Variants in SERINC5 observed in about 807,000 individuals in gnomAD.
SERINC5 encodes the protein chromosome 5 open reading frame 12.
In SERINC5, 41 loss-of-function variants were observed where a neutral mutation model predicts 63.1. The ratio of observed to expected loss-of-function variants is 0.65; its 90% CI spans 0.51 to 0.84. The LOEUF is 0.84. Ranked by LOEUF, SERINC5 falls within the 40% of genes least tolerant of loss-of-function variation. The pLI is 0.00. For missense variants in SERINC5, 523 were observed against 573.0 expected (o/e 0.91, Z 0.89); for synonymous variants, 222 against 215.2 (o/e 1.03, Z -0.28).
At chr5:80,148,190 T>C (rs1477296309) in intron 9 of SERINC5, among the ~76,000 whole-genome samples, 1 of 79,278 alleles carries the variant, frequency 1.3e-5, no homozygotes, top group Non-Finnish European at 2.3e-5. Context: ...TTTTTTATTC[T>C]TTTTTTTTTT....
intron 2 of SERINC5, chr5:80,198,756 T>G (rs1386818817): frequency 5.2e-6 from 5 of 960,778 alleles, no homozygotes; most frequent in Non-Finnish European, 6.2e-6. Flanking sequence ...AAGCTGACTT[T>G]GTGGCCAGAT....
intron 1 of SERINC5, among the ~76,000 whole-genome samples, chr5:80,232,549 G>T (rs1751496683): frequency 6.6e-6 from 1 of 152,136 alleles, no homozygotes; most frequent in Admixed American, 6.6e-5. Flanking sequence ...ACTTTGGGAG[G>T]CCAAGGCGGG....
rs1745332292 is a variant in SERINC5, at chr5:80,138,831, AAAC to A, written c.*4829_*4831del. ...AACATCTGAAGGCAACATCTCTGCAAAACAACTAACTTGAGTACTTTAATTATA... is the reference window on the plus strand; with the variant it reads ...AACATCTGAAGGCAACATCTCTGCAAAACTAACTTGAGTACTTTAATTATA... On this transcript the variant is annotated 3_prime_UTR_variant, in exon 12 of 12. Coordinates refer to ENST00000507668, the MANE Select transcript of SERINC5 (RefSeq NM_001174072.3). 1 of 984,310 alleles carries A rather than the reference AAAC, an allele frequency of 1.0e-6. No individual in the cohort carries two copies. 61.0% of individuals were successfully genotyped at this position (984,310 alleles called of 1,614,324 possible). A position where few individuals can be genotyped will look rare whatever the true frequency, so the allele number is the denominator to read the frequency against.
chr5:80,220,759 G>A (rs1383108366), intron 1 of SERINC5, among the ~76,000 whole-genome samples: 1 of 152,080 alleles, frequency 6.6e-6, no homozygotes, highest in African/African-American at 2.4e-5. Flanking sequence ...GGGTGAAGTG[G>A]GGAGGGGGGC....
intron 5 of SERINC5, among the ~76,000 whole-genome samples, chr5:80,169,833 A>G (rs988143683): frequency 6.6e-6 from 1 of 152,192 alleles, no homozygotes; most frequent in African/African-American, 2.4e-5. Context: ...TAAAATGAAT[A>G]ATGTCAACCC....
chr5:80,207,576 A>ATTC (rs1176287136), intron 1 of SERINC5, among the ~76,000 whole-genome samples: 1 of 152,178 alleles, frequency 6.6e-6, no homozygotes, highest in Admixed American at 6.5e-5. Context: ...GTTTAACCCT[A>ATTC]TTCTGTCATT....
In SERINC5 at chr5:80,158,934, T is replaced by C; in HGVS notation, c.888A>G (p.Thr296=). 6.2e-7 allele frequency: 1 copy of C among 1,613,820 alleles called. No individual in the cohort carries two copies. The highest frequency in any genetic ancestry group is 2.2e-5 in the East Asian group (1 of 44,884). The part of the protein sequence containing the change: ...VVLDEHGKNV[T]ICVPDFGQDL... ...CTTGACCAAAGTCAGGCACACAGAT[T>C]GTAACATTTTTCCCATGTTCATCTA... Residue 296 remains threonine (T), a synonymous_variant, in exon 8 of 12, where the codon ACA becomes ACG. Coordinates refer to ENST00000507668, the MANE Select transcript of SERINC5 (RefSeq NM_001174072.3).
intron 2 of SERINC5, among the ~76,000 whole-genome samples, chr5:80,182,556 T>TC (rs1457523606): frequency 2.3e-4 from 4 of 17,248 alleles, no homozygotes; most frequent in African/African-American, 9.1e-4. Flanking sequence ...CCCCCCCCCC[T>TC]CCGCTTTTTT....
At position 80,141,346 on chromosome 5, in the gene SERINC5, C is replaced by A; in HGVS notation, c.*2317G>T. The A allele has an allele frequency of 1.0e-6, 1 of 985,418 alleles. No individual in the cohort carries two copies. Among genetic ancestry groups the A allele is most frequent in the Non-Finnish European group, 1.2e-6 (1 of 829,932 alleles). The allele number at this position is 985,418 out of a possible 1,614,324, so 61.0% of individuals were successfully genotyped here. ...GAAGGAAGCGACGAGGGCCTTCTAC[C>A]GGCCACACTCCCTTGCTTGGGCTTC... On this transcript the variant is annotated 3_prime_UTR_variant, in exon 12 of 12. Coordinates refer to ENST00000507668, the MANE Select transcript of SERINC5 (RefSeq NM_001174072.3).
intron 1 of SERINC5, among the ~76,000 whole-genome samples, chr5:80,219,162 G>A (rs1016703055): frequency 1.7e-4 from 26 of 152,258 alleles, no homozygotes; most frequent in African/African-American, 5.8e-4. Flanking sequence ...TCAGGGGAAG[G>A]GGAAAGGGAG....
chr5:80,167,263 G>C (rs1314274616), intron 6 of SERINC5: 1 of 152,024 alleles, frequency 6.6e-6, no homozygotes, highest in East Asian at 1.9e-4. Flanking sequence ...GCCCCAGTGT[G>C]TGTTGTTCCC....
intron 7 of SERINC5, among the ~76,000 whole-genome samples, chr5:80,160,736 C>T (rs1372170546): frequency 6.6e-6 from 1 of 152,030 alleles, no homozygotes; most frequent in East Asian, 1.9e-4. Context: ...TCATTCCACA[C>T]TCATGTCCAT....
intron 1 of SERINC5, among the ~76,000 whole-genome samples, chr5:80,239,941 G>A (rs1397456781): frequency 6.6e-6 from 1 of 152,164 alleles, no homozygotes; most frequent in South Asian, 2.1e-4. Flanking sequence ...AAGGAAGTCA[G>A]TGGGGCCAGC....
chr5:80,164,345 G>C (rs945123405), intron 7 of SERINC5, among the ~76,000 whole-genome samples: 1 of 150,522 alleles, frequency 6.6e-6, no homozygotes, highest in African/African-American at 2.4e-5. Context: ...TTTTGGGGGG[G>C]AGGGGGGTCT....
At chr5:80,129,196 T>C (rs920781421) in intron 11 of SERINC5, 2 of 152,220 alleles carry the variant, frequency 1.3e-5, no homozygotes, top group Non-Finnish European at 2.9e-5. Flanking sequence ...GAAGACGTAA[T>C]GGTAGGTAAA....
At chr5:80,250,965 C>CT (rs1172602071) in intron 1 of SERINC5, among the ~76,000 whole-genome samples, 2 of 61,204 alleles carry the variant, frequency 3.3e-5, no homozygotes, top group African/African-American at 1.0e-4. Flanking sequence ...ACTGAATAAA[C>CT]GTGTTTTTAC....
intron 1 of SERINC5, among the ~76,000 whole-genome samples, chr5:80,224,930 T>G (rs1165602823): frequency 1.5e-5 from 1 of 67,982 alleles, no homozygotes; most frequent in African/African-American, 6.6e-5. Flanking sequence ...AGCGTTTTTT[T>G]TTTTGTTTTT....
rs1455613768 is a variant in SERINC5 at position 80,143,702 on chromosome 5, G to A, written c.1347C>T (p.Val449=). ...ICVLLYLCTL[V]APLCCPTREF... ...CCCGGGTGGGGCAGCAGAGGGGAGC[G>A]ACCAGCGTACACAGGTACAACAGCA... Residue 449 remains valine (V), a synonymous_variant, in exon 12 of 12, where the codon GTC becomes GTT. Transcript: ENST00000507668. 4.4e-5 allele frequency: 67 copies of A among 1,535,980 alleles called. No homozygotes were observed. Among genetic ancestry groups the A allele is most frequent in the South Asian group, 7.1e-5 (6 of 84,058 alleles).
intron 5 of SERINC5, among the ~76,000 whole-genome samples, chr5:80,170,430 T>G (rs978081160): frequency 6.6e-6 from 1 of 152,302 alleles, no homozygotes; most frequent in Admixed American, 6.5e-5. Context: ...CTAGCTAATG[T>G]GTAGTCCTTT....
Sources: gnomAD v4.1 joint callset for allele counts (sites outside exome capture counted in the v4.1 genomes callset) on GRCh38, gnomAD v4.1.1 for gene constraint, MANE v1.5 for transcripts, NCBI Gene and HGNC (gene_info 2026-07-23, HGNC 2026-07-21) for gene names.